Variants in PPARGC1B observed in about 807,000 individuals in gnomAD.
PPARGC1B encodes the protein peroxisome proliferator-activated receptor gamma coactivator 1-beta.
PPARGC1B carries 34 observed loss-of-function variants against 101.6 expected under a neutral mutation model. The observed-to-expected ratio is 0.33, with a 90% CI of 0.25 to 0.45. The LOEUF (loss-of-function observed/expected upper bound fraction) is 0.45. PPARGC1B is among the 20% of genes least tolerant of loss of function. The pLI is 1.00. For synonymous variants in PPARGC1B, 548 were observed against 539.3 expected, an observed-to-expected ratio of 1.02 and a Z score of -0.22; for missense variants, 1,234 against 1,317.6, an observed-to-expected ratio of 0.94 and a Z score of 0.98.
chr5:149,765,300 C>T (rs945944101), intron 1 of PPARGC1B, among the ~76,000 whole-genome samples: 1 of 152,218 alleles, frequency 6.6e-6, no homozygotes, highest in Non-Finnish European at 1.5e-5. Flanking sequence ...CTCTATACTG[C>T]CCCACGAGGG....
intron 2 of PPARGC1B, among the ~76,000 whole-genome samples, chr5:149,820,976 G>C (rs1758271737): frequency 6.6e-6 from 1 of 152,182 alleles, no homozygotes; most frequent in South Asian, 2.1e-4. Context: ...CCATTTTACA[G>C]ATAAGGAAAA....
At chr5:149,752,904 T>C (rs1755370600) in intron 1 of PPARGC1B, among the ~76,000 whole-genome samples, 1 of 152,212 alleles carries the variant, frequency 6.6e-6, no homozygotes, top group Non-Finnish European at 1.5e-5. Context: ...CAAATGGCAG[T>C]CATCCCTTGC....
At chr5:149,778,117 C>T (rs1756461611) in intron 1 of PPARGC1B, among the ~76,000 whole-genome samples, 1 of 133,206 alleles carries the variant, frequency 7.5e-6, no homozygotes, top group Non-Finnish European at 1.6e-5. Context: ...ACACAGAGTA[C>T]CCAGCTGCTC....
Position 149,837,144 on chromosome 5 carries a change from C to T in PPARGC1B, c.2618+71C>T. 6.6e-7 allele frequency: 1 copy of T among 1,523,568 alleles called. No homozygotes were observed. The highest frequency in any genetic ancestry group is 8.8e-7 in the Non-Finnish European group (1 of 1,137,844). The allele number at this position is 1,523,568 out of a possible 1,614,324, so 94.4% of individuals were successfully genotyped here. On this transcript the variant is annotated intron_variant, in intron 8 of 11. Transcript: ENST00000309241. The surrounding 1 kb of genome is among the most constrained non-coding windows in gnomAD (Gnocchi z 4.2). ...CCAGTTCCCGGGGAGCCAGGAGCCC[C>T]AGGAGGGAGGATCCCTGGGAAGCTT...
At chr5:149,821,406 G>T (rs1223051012) in intron 2 of PPARGC1B, among the ~76,000 whole-genome samples, 1 of 152,198 alleles carries the variant, frequency 6.6e-6, no homozygotes, top group African/African-American at 2.4e-5. Context: ...TCAGAAGAAA[G>T]CAAGCTCTGC....
chr5:149,761,103 T>C (rs1040116754), intron 1 of PPARGC1B, among the ~76,000 whole-genome samples: 87 of 152,306 alleles, frequency 5.7e-4, no homozygotes, highest in African/African-American at 2.1e-3. Context: ...TCCAGCTTTA[T>C]TGAGGTAAAC....
chr5:149,856,400 G>A (rs1002376090), downstream of PPARGC1B, among the ~76,000 whole-genome samples: 6 of 152,158 alleles, frequency 3.9e-5, no homozygotes, highest in Non-Finnish European at 8.8e-5. Flanking sequence ...CTCAGTACCT[G>A]TTGCCCATCT....
intron 10 of PPARGC1B, among the ~76,000 whole-genome samples, chr5:149,844,554 G>A (rs934627532): frequency 6.6e-6 from 1 of 152,176 alleles, no homozygotes; most frequent in Admixed American, 6.5e-5. Flanking sequence ...CATAAGAATC[G>A]CTTGAACCCG....
intron 1 of PPARGC1B, among the ~76,000 whole-genome samples, chr5:149,793,620 C>T (rs1188320516): frequency 6.6e-6 from 1 of 152,198 alleles, no homozygotes; most frequent in Admixed American, 6.5e-5. Context: ...CATTCTCCTT[C>T]AGACCCCAGT....
rs535345382 is a variant in PPARGC1B at position 149,770,316 on chromosome 5, A to C, written c.78+39896A>C. Among the ~76,000 whole-genome samples the C allele has an allele frequency of 3.5e-4, 53 of 152,316 alleles. 1 individual carries two copies. In the Middle Eastern group the frequency reaches 0.014, roughly 39 times the overall value. On this transcript the variant is annotated intron_variant, in intron 1 of 11. Transcript: ENST00000309241. ...CTTCTTAGGATTCAAGTTTAAAAAAAGGCGAGAACACTCTAATTGTTTCCT... is the reference window on the plus strand; with the variant it reads ...CTTCTTAGGATTCAAGTTTAAAAAACGGCGAGAACACTCTAATTGTTTCCT...
At chr5:149,737,588 C>G (rs1013608032) in intron 1 of PPARGC1B, among the ~76,000 whole-genome samples, 1 of 152,220 alleles carries the variant, frequency 6.6e-6, no homozygotes, top group Middle Eastern at 3.2e-3. Context: ...TTGGAATCCC[C>G]TTACTGGGTT....
intron 1 of PPARGC1B, among the ~76,000 whole-genome samples, chr5:149,753,848 C>A (rs1439205153): frequency 6.6e-6 from 1 of 151,954 alleles, no homozygotes; most frequent in African/African-American, 2.4e-5. Flanking sequence ...TGCCTGCCAC[C>A]ACGCCCAGAT....
chr5:149,769,389 T>C (rs1185485309), intron 1 of PPARGC1B, among the ~76,000 whole-genome samples: 1 of 152,208 alleles, frequency 6.6e-6, no homozygotes, highest in Non-Finnish European at 1.5e-5. Context: ...CTTATACTTT[T>C]CTCACTTACA....
At chr5:149,739,631 G>A (rs1754841302) in intron 1 of PPARGC1B, among the ~76,000 whole-genome samples, 2 of 152,136 alleles carry the variant, frequency 1.3e-5, no homozygotes, top group Non-Finnish European at 2.9e-5. Context: ...GTGGGCCTTA[G>A]CTCTTGGGGA....
intron 10 of PPARGC1B, among the ~76,000 whole-genome samples, chr5:149,843,809 G>A (rs1759441588): frequency 6.6e-6 from 1 of 152,214 alleles, no homozygotes; most frequent in South Asian, 2.1e-4. Flanking sequence ...ATATTATGAA[G>A]CCTTAAAAAG....
rs1349003049 is a variant in PPARGC1B, at chr5:149,832,869, G to C, written c.796G>C (p.Asp266His). The change falls in exon 5 of 12, where the codon GAC (aspartate) becomes CAC (histidine). Residue 266 changes from aspartate to histidine, a missense_variant. Transcript: ENST00000309241. The surrounding 1 kb of genome is among the most constrained non-coding windows in gnomAD (Gnocchi z 4.9). ...CCAGCCAGCTCCAGCCTCTCCCCGG[G>C]ACTCCCTAGCTCTGGGCAGGGCAGA... ...SPQPAPASPR[D>H]SLALGRADPG... 6.2e-7 allele frequency: 1 copy of C among 1,611,900 alleles called. No individual in the cohort carries two copies. Among genetic ancestry groups the C allele is most frequent in the Admixed American group, 1.7e-5 (1 of 59,946 alleles).
chr5:149,802,047 G>A (rs1055718577), intron 1 of PPARGC1B, among the ~76,000 whole-genome samples: 2 of 152,112 alleles, frequency 1.3e-5, no homozygotes, highest in South Asian at 2.1e-4. Context: ...GCTCAGCACC[G>A]CCCCGTCCCT....
intron 1 of PPARGC1B, among the ~76,000 whole-genome samples, chr5:149,803,386 TGTGA>T (rs1484417609): frequency 6.6e-6 from 1 of 152,148 alleles, no homozygotes; most frequent in Non-Finnish European, 1.5e-5. Flanking sequence ...TCTGCCCTGT[TGTGA>T]GTGTCAAATG....
chr5:149,786,767 C>T, intron 1 of PPARGC1B, among the ~76,000 whole-genome samples: 1 of 152,200 alleles, frequency 6.6e-6, no homozygotes, highest in East Asian at 1.9e-4. Flanking sequence ...GATCAGCAAA[C>T]AGCAGGAAAT....
Sources: allele counts gnomAD v4.1 joint callset (sites outside exome capture counted in the v4.1 genomes callset), GRCh38; gene constraint gnomAD v4.1.1; non-coding constraint Gnocchi (gnomAD v3.1); transcripts MANE v1.5; gene names NCBI Gene and HGNC (gene_info 2026-07-23, HGNC 2026-07-21).